The following ZKSCAN1 variants were observed in gnomAD, a reference collection of about 807,000 sequenced individuals.
The protein encoded by ZKSCAN1 is zinc finger with KRAB and SCAN domains 1, also known as zinc finger protein with KRAB and SCAN domains 1.
A neutral mutation model predicts 51.6 loss-of-function variants in ZKSCAN1; 14 were observed. That is an observed-to-expected ratio of 0.27 (90% CI 0.18 to 0.42). The LOEUF (loss-of-function observed/expected upper bound fraction) is 0.42, where lower values mean the gene tolerates loss of function less well. Among genes scored for constraint, ZKSCAN1 ranks in the 10% least tolerant of loss-of-function variants. The probability of loss-of-function intolerance (pLI) is 1.00; values close to 1 mark genes in which losing one functional copy is unlikely to be tolerated. For synonymous variants in ZKSCAN1, 263 were observed against 261.5 expected (o/e 1.01, Z -0.06); for missense variants, 531 against 710.0 (o/e 0.75, Z 2.86).
Position 100,041,255 on chromosome 7 carries a change from A to G in ZKSCAN1, c.*7058A>G, listed in dbSNP as rs1791581378. 1.1e-6 allele frequency: 1 copy of G among 938,284 alleles called. No individual in the cohort carries two copies. The highest frequency in any genetic ancestry group is 4.9e-5 in the South Asian group (1 of 20,334). The allele number at this position is 938,284 out of a possible 1,614,324, so 58.1% of individuals were successfully genotyped here. On this transcript the variant is annotated 3_prime_UTR_variant, in exon 6 of 6. Coordinates refer to ENST00000324306, the MANE Select transcript of ZKSCAN1 (RefSeq NM_003439.4). ...CCCGCAGAATGAAGTTACTGTTGTT[A>G]AAACTGGATTTTTTCATTTTACTAG...
Position 100,041,477 on chromosome 7 carries a change from G to A in ZKSCAN1, c.*7280G>A. ...TAACCATTGGAAACCTCGAATGAGG[G>A]CTAAAGTTTTAATCATAAGAGAAAA... On this transcript the variant is annotated 3_prime_UTR_variant, in exon 6 of 6. Coordinates refer to ENST00000324306, the MANE Select transcript of ZKSCAN1 (RefSeq NM_003439.4). The A allele has an allele frequency of 1.0e-6, 1 of 985,362 alleles. No homozygotes were observed. Among genetic ancestry groups the A allele is most frequent in the Admixed American group, 6.2e-5 (1 of 16,254 alleles). 61.0% of individuals were successfully genotyped at this position (985,362 alleles called of 1,614,324 possible).
At position 100,038,367 on chromosome 7, in the gene ZKSCAN1, G is replaced by A; in HGVS notation, c.*4170G>A. 1 of 985,476 alleles carries A rather than the reference G, an allele frequency of 1.0e-6. No individual in the cohort carries two copies. Among genetic ancestry groups the A allele is most frequent in the Non-Finnish European group, 1.2e-6 (1 of 829,932 alleles). The allele number at this position is 985,476 out of a possible 1,614,324, so 61.0% of individuals were successfully genotyped here. The stretch of plus-strand genomic sequence containing the variant: ...TCGGTTCACAGAACGGAGCAGCGGG[G>A]AGAGGAAGGGAAAAGCTTCATAGTT... On this transcript the variant is annotated 3_prime_UTR_variant, in exon 6 of 6. Coordinates refer to ENST00000324306, the MANE Select transcript of ZKSCAN1 (RefSeq NM_003439.4).
rs780835670 is a variant in ZKSCAN1, at chr7:100,015,631, G to C, written c.-184G>C. On this transcript the variant is annotated 5_prime_UTR_variant, in exon 1 of 6. Coordinates refer to ENST00000324306, the MANE Select transcript of ZKSCAN1 (RefSeq NM_003439.4). ...GTGTCTGTGTCGAGGCGTCGGGAGG[G>C]CCTAAGTCCGTGTGCGGTGCCCTTC... is the stretch of plus-strand genomic sequence containing the variant. 6.6e-6 allele frequency: 1 copy of C among 152,274 alleles called. No homozygotes were observed. Among genetic ancestry groups the C allele is most frequent in the Non-Finnish European group, 1.5e-5 (1 of 68,086 alleles). 9.4% of individuals were successfully genotyped at this position (152,274 alleles called of 1,614,324 possible).
Position 100,041,589 on chromosome 7 carries a change from G to A in ZKSCAN1, c.*7392G>A, listed in dbSNP as rs1791596456. 1 of 985,300 alleles carries A rather than the reference G, an allele frequency of 1.0e-6. No individual in the cohort carries two copies. Among genetic ancestry groups the A allele is most frequent in the African/African-American group, 1.7e-5 (1 of 57,224 alleles). 61.0% of individuals were successfully genotyped at this position (985,300 alleles called of 1,614,324 possible). ...GTCTGATAAAGAAATGTTAAGAGTA[G>A]TGAGGTTGAGGAAGGAAATTGTGGG... is the stretch of plus-strand genomic sequence containing the variant. On this transcript the variant is annotated 3_prime_UTR_variant, in exon 6 of 6. Coordinates refer to ENST00000324306, the MANE Select transcript of ZKSCAN1 (RefSeq NM_003439.4).
At position 100,036,105 on chromosome 7, in the gene ZKSCAN1, C is replaced by T. The variant is rs1791351471; in HGVS notation, c.*1908C>T. 4 of 985,356 alleles carry T rather than the reference C, an allele frequency of 4.1e-6. No individual in the cohort carries two copies. Among genetic ancestry groups the T allele is most frequent in the Admixed American group, 6.1e-5 (1 of 16,274 alleles). 61.0% of individuals were successfully genotyped at this position (985,356 alleles called of 1,614,324 possible). ...TGAGACCAAATGGTTTTATATGGAA[C>T]CAACGAAGTGGGAGCTAAAACTGCA... On this transcript the variant is annotated 3_prime_UTR_variant, in exon 6 of 6. Coordinates refer to ENST00000324306, the MANE Select transcript of ZKSCAN1 (RefSeq NM_003439.4).
downstream of ZKSCAN1, among the ~76,000 whole-genome samples, chr7:100,042,710 GTGTA>G (rs1791629950): frequency 7.0e-6 from 1 of 143,742 alleles, no homozygotes; most frequent in African/African-American, 2.6e-5. Context: ...ATATACACAT[GTGTA>G]TGTGTATATG....
Position 100,041,309 on chromosome 7 carries a change from T to C in ZKSCAN1, c.*7112T>C, listed in dbSNP as rs1791583553. The C allele has an allele frequency of 1.0e-6, 1 of 985,090 alleles. No individual in the cohort carries two copies. Among genetic ancestry groups the C allele is most frequent in the African/African-American group, 1.7e-5 (1 of 57,252 alleles). The allele number at this position is 985,090 out of a possible 1,614,324, so 61.0% of individuals were successfully genotyped here. A position where few individuals can be genotyped will look rare whatever the true frequency, so the allele number is the denominator to read the frequency against. On this transcript the variant is annotated 3_prime_UTR_variant, in exon 6 of 6. Coordinates refer to ENST00000324306, the MANE Select transcript of ZKSCAN1 (RefSeq NM_003439.4). ...CCGAAGAGTCCAGATGCTTGGTAGA[T>C]GTTCAATACGTGATTTTTTTTTTAA...
Position 100,038,085 on chromosome 7 carries a change from TGTG to T in ZKSCAN1, c.*3890_*3892del, listed in dbSNP as rs1343857227. Reference sequence around the variant, plus strand: ...CAGAGGATCTACAGATGAAAAAAAATGTGGGGAAATGCTTTAAAAAAATAGCAA... The same window carrying T: ...CAGAGGATCTACAGATGAAAAAAAATGGGAAATGCTTTAAAAAAATAGCAA... On this transcript the variant is annotated 3_prime_UTR_variant, in exon 6 of 6. Transcript: ENST00000324306. The T allele has an allele frequency of 3.0e-6, 3 of 984,548 alleles. No homozygotes were observed. The highest frequency in any genetic ancestry group is 1.1e-4 in the East Asian group (1 of 8,792). The allele number at this position is 984,548 out of a possible 1,614,324, so 61.0% of individuals were successfully genotyped here. A position where few individuals can be genotyped will look rare whatever the true frequency, so the allele number is the denominator to read the frequency against.
downstream of ZKSCAN1, among the ~76,000 whole-genome samples, chr7:100,041,907 G>A (rs1791608592): frequency 6.6e-6 from 1 of 152,114 alleles, no homozygotes; most frequent in Non-Finnish European, 1.5e-5. Context: ...TCTCAGCCAA[G>A]GGCATTCCAA....
chr7:100,040,465 C>T lies in ZKSCAN1; in HGVS notation c.*6268C>T, dbSNP rs1791547713. The T allele has an allele frequency of 1.0e-6, 1 of 985,274 alleles. No homozygotes were observed. The highest frequency in any genetic ancestry group is 4.7e-5 in the South Asian group (1 of 21,294). 61.0% of individuals were successfully genotyped at this position (985,274 alleles called of 1,614,324 possible). On this transcript the variant is annotated 3_prime_UTR_variant, in exon 6 of 6. Coordinates refer to ENST00000324306, the MANE Select transcript of ZKSCAN1 (RefSeq NM_003439.4). ...AGCAAGCACTCATTAAGGAGTGAGGCTGAGTATTTTAAGATAGAGTGAGAT... is the reference window on the plus strand; with the variant it reads ...AGCAAGCACTCATTAAGGAGTGAGGTTGAGTATTTTAAGATAGAGTGAGAT...
rs567371579 is a variant in ZKSCAN1 at position 100,023,726 on chromosome 7, C to T, written c.220C>T (p.Leu74Phe). ...YQNTFGPREA[L>F]SRLKELCHQW... The stretch of plus-strand genomic sequence containing the variant: ...GAACACTTTTGGGCCCCGAGAGGCT[C>T]TCAGTCGGCTGAAGGAACTTTGTCA... The change falls in exon 2 of 6, where the codon CTC (leucine) becomes TTC (phenylalanine). Residue 74 changes from leucine to phenylalanine, a missense_variant. By Grantham distance (22) the Leu-to-Phe change is conservative. Coordinates refer to ENST00000324306, the MANE Select transcript of ZKSCAN1 (RefSeq NM_003439.4). 1.2e-6 allele frequency: 2 copies of T among 1,614,198 alleles called. No homozygotes were observed. The highest frequency in any genetic ancestry group is 2.7e-5 in the African/African-American group (2 of 75,048).
chr7:100,024,372 A>G, intron 3 of ZKSCAN1, 65 bp downstream of exon 3: 2 of 1,564,486 alleles, frequency 1.3e-6, no homozygotes, highest in Non-Finnish European at 1.7e-6. Flanking sequence ...TGTGCTGCTG[A>G]GTGCCTGTGA....
In ZKSCAN1 at chr7:100,023,845, G is replaced by A. The variant is rs1359900306; in HGVS notation, c.339G>A (p.Gln113=). 7.4e-6 allele frequency: 12 copies of A among 1,614,072 alleles called. No homozygotes were observed. The highest frequency in any genetic ancestry group is 1.0e-5 in the Non-Finnish European group (12 of 1,180,034). The part of the protein sequence containing the change: ...QFLSILPKEL[Q]VWLQEYRPDS... ...TTTCCATCCTGCCCAAGGAGCTCCAGGTCTGGCTGCAGGAATACCGCCCCG... is the reference window on the plus strand; with the variant it reads ...TTTCCATCCTGCCCAAGGAGCTCCAAGTCTGGCTGCAGGAATACCGCCCCG... Residue 113 remains glutamine, a synonymous_variant, in exon 2 of 6, where the codon CAG becomes CAA. Coordinates refer to ENST00000324306, the MANE Select transcript of ZKSCAN1 (RefSeq NM_003439.4).
chr7:100,029,440 C>T (rs1396840417), intron 3 of ZKSCAN1, among the ~76,000 whole-genome samples: 1 of 152,090 alleles, frequency 6.6e-6, no homozygotes, highest in Non-Finnish European at 1.5e-5. Context: ...AAATGGGATT[C>T]TCATATCCTG....
chr7:100,036,347 T>C lies in ZKSCAN1; in HGVS notation c.*2150T>C. The C allele has an allele frequency of 2.0e-6, 2 of 985,412 alleles. No homozygotes were observed. The highest frequency in any genetic ancestry group is 2.4e-6 in the Non-Finnish European group (2 of 829,940). The allele number at this position is 985,412 out of a possible 1,614,324, so 61.0% of individuals were successfully genotyped here. ...TGGAGGCAGAAAATGTTTTAAGGATTTTCTTCAAAGAATAAGCCACAGCAA... is the reference window on the plus strand; with the variant it reads ...TGGAGGCAGAAAATGTTTTAAGGATCTTCTTCAAAGAATAAGCCACAGCAA... On this transcript the variant is annotated 3_prime_UTR_variant, in exon 6 of 6. Transcript: ENST00000324306.
Position 100,024,052 on chromosome 7 carries a change from C to T in ZKSCAN1, c.427-102C>T, listed in dbSNP as rs1165611285. 6 of 1,524,076 alleles carry T rather than the reference C, an allele frequency of 3.9e-6. No homozygotes were observed. The East Asian group carries it at 1.1e-4, about 29-fold the overall frequency. The allele number at this position is 1,524,076 out of a possible 1,614,324, so 94.4% of individuals were successfully genotyped here. On this transcript the variant is annotated intron_variant, in intron 2 of 5. Coordinates refer to ENST00000324306, the MANE Select transcript of ZKSCAN1 (RefSeq NM_003439.4). ...TTACTCTGTCTTAAAAATGTTCTGG[C>T]TTTCTTCCTGCATCCACTGGCATAC...
intron 3 of ZKSCAN1, 84 bp downstream of exon 3, chr7:100,024,391 C>T: frequency 6.6e-7 from 1 of 1,515,844 alleles, no homozygotes; most frequent in Non-Finnish European, 8.9e-7. Context: ...GATGAAGAAG[C>T]ATGTTAGTCC....
In ZKSCAN1 at chr7:100,039,784, A is replaced by T. The variant is rs1368011042; in HGVS notation, c.*5587A>T. ...CTACTCTGAGCAACTTCTCAGAGAT[A>T]CGAGGGGGCTAGGGTTTTCCCATCT... is the stretch of plus-strand genomic sequence containing the variant. On this transcript the variant is annotated 3_prime_UTR_variant, in exon 6 of 6. Coordinates refer to ENST00000324306, the MANE Select transcript of ZKSCAN1 (RefSeq NM_003439.4). 1.1e-5 allele frequency: 11 copies of T among 985,360 alleles called. No homozygotes were observed. Among genetic ancestry groups the T allele is most frequent in the African/African-American group, 1.7e-5 (1 of 57,248 alleles). The allele number at this position is 985,360 out of a possible 1,614,324, so 61.0% of individuals were successfully genotyped here.
chr7:100,018,441 GT>G (rs1208945274), intron 1 of ZKSCAN1, among the ~76,000 whole-genome samples: 1 of 149,970 alleles, frequency 6.7e-6, no homozygotes, highest in African/African-American at 2.5e-5. Flanking sequence ...GTCTCGCTCT[GT>G]CACCCAGGCT....
Sources: gnomAD v4.1 joint callset for allele counts (sites outside exome capture counted in the v4.1 genomes callset) on GRCh38, gnomAD v4.1.1 for gene constraint, MANE v1.5 for transcripts, NCBI Gene and HGNC (gene_info 2026-07-23, HGNC 2026-07-21) for gene names.